TTC7A: variants seen among roughly 807,000 people sequenced by gnomAD.
TTC7A encodes the protein tetratricopeptide repeat protein 7A.
TTC7A carries 110 observed loss-of-function variants against 103.7 expected under a neutral mutation model. The ratio of observed to expected loss-of-function variants is 1.06; its 90% CI spans 0.91 to 1.24. The LOEUF is 1.24. TTC7A is among the 50% of genes most tolerant of loss of function. TTC7A has a pLI of 0.00. For synonymous variants in TTC7A, 521 were observed against 467.9 expected (o/e 1.11, Z -1.47); for missense variants, 1,340 against 1,116.3 (o/e 1.20, Z -2.86).
Position 46,993,448 on chromosome 2 carries a change from A to G in TTC7A, c.765-2A>G. On this transcript the variant is annotated splice_acceptor_variant, in intron 5 of 19. Coordinates refer to ENST00000319190, the MANE Select transcript of TTC7A (RefSeq NM_020458.4). LOFTEE classifies it high-confidence loss of function. ...AATCTACTTCTGCCGTCCTCCCACC[A>G]GGAACATCGTGAAGGGCATGAGAGA... 3.1e-6 allele frequency: 5 copies of G among 1,614,176 alleles called. No individual in the cohort carries two copies. The highest frequency in any genetic ancestry group is 4.2e-6 in the Non-Finnish European group (5 of 1,180,000).
At chr2:47,023,659 T>TG (rs1434633393) in intron 13 of TTC7A, among the ~76,000 whole-genome samples, 194 bp downstream of exon 13, 2 of 152,000 alleles carry the variant, frequency 1.3e-5, no homozygotes, top group African/African-American at 4.8e-5. Flanking sequence ...CCTTCAGCTC[T>TG]GGGGGGCTCC....
intron 2 of TTC7A, among the ~76,000 whole-genome samples, chr2:46,953,290 A>C (rs1490546423): frequency 6.6e-6 from 1 of 152,082 alleles, no homozygotes; most frequent in Admixed American, 6.6e-5. Context: ...AGTAGCTGGG[A>C]CTATAGGCAT....
At chr2:47,029,164 T>C in intron 14 of TTC7A, 60 bp from the exon 15 acceptor site, 1 of 1,592,140 alleles carries the variant, frequency 6.3e-7, no homozygotes, top group Non-Finnish European at 8.6e-7. Context: ...GGCACGTGGC[T>C]CCTGAGTCCC....
Position 46,941,391 on chromosome 2 carries a change from C to A in TTC7A, c.-151C>A. The A allele has an allele frequency of 1.6e-6, 1 of 635,258 alleles. No individual in the cohort carries two copies. Among genetic ancestry groups the A allele is most frequent in the Non-Finnish European group, 2.1e-6 (1 of 469,166 alleles). The allele number at this position is 635,258 out of a possible 1,614,324, so 39.4% of individuals were successfully genotyped here. ...GCTGCTGCTGCTGCTGCTGCCCACC[C>A]TCCGCCGCCCGGGCCCCCGCTGCCG... On this transcript the variant is annotated 5_prime_UTR_variant, in exon 1 of 20. Transcript: ENST00000319190. The surrounding 1 kb of genome is among the most constrained non-coding windows in gnomAD (Gnocchi z 4.2).
At chr2:47,021,334 G>A (rs1472410800) in intron 11 of TTC7A, among the ~76,000 whole-genome samples, 1 of 152,224 alleles carries the variant, frequency 6.6e-6, no homozygotes, top group Admixed American at 6.5e-5. Context: ...GTCATGTGGT[G>A]ATGTGTGCAC....
At chr2:46,952,342 A>T (rs934330997) in intron 2 of TTC7A, among the ~76,000 whole-genome samples, 1 of 152,210 alleles carries the variant, frequency 6.6e-6, no homozygotes, top group Non-Finnish European at 1.5e-5. Context: ...TTTTCGTTTT[A>T]AAAATATTAA....
chr2:46,969,538 C>T (rs1215529561), intron 3 of TTC7A, among the ~76,000 whole-genome samples: 1 of 152,120 alleles, frequency 6.6e-6, no homozygotes, highest in Non-Finnish European at 1.5e-5. Flanking sequence ...CCTCAGCCTC[C>T]TGAGTAGCTG....
intron 5 of TTC7A, among the ~76,000 whole-genome samples, chr2:46,993,034 G>A (rs1348705486): frequency 6.6e-6 from 1 of 152,242 alleles, no homozygotes; most frequent in Non-Finnish European, 1.5e-5. Flanking sequence ...CCATGGTACT[G>A]GGGACAGAGA....
chr2:47,053,990 G>A (rs1368416272), intron 18 of TTC7A: 2 of 444,942 alleles, frequency 4.5e-6, no homozygotes, highest in African/African-American at 4.3e-5. Context: ...AAGGTTAAAG[G>A]CCCTCCTGAA....
chr2:47,003,188 T>TGCGAAG (rs55736783), intron 8 of TTC7A, among the ~76,000 whole-genome samples: 19,475 of 152,122 alleles, frequency 0.13, 1,363 homozygotes, highest in Admixed American at 0.15. Context: ...TGTCACACCC[T>TGCGAAG]GCAGGTTGAG....
chr2:46,941,732 A>T lies in TTC7A; in HGVS notation c.184+7A>T. The T allele has an allele frequency of 6.5e-7, 1 of 1,549,424 alleles. No individual in the cohort carries two copies. Among genetic ancestry groups the T allele is most frequent in the Non-Finnish European group, 8.7e-7 (1 of 1,146,738 alleles). ...TTCACCTTTCCGGACACCGGTGAGT[A>T]AGGGAAGAGGCTGGCTCGCCGGCAG... On this transcript the variant is annotated splice_region_variant and intron_variant, in intron 1 of 19. Coordinates refer to ENST00000319190, the MANE Select transcript of TTC7A (RefSeq NM_020458.4). The surrounding 1 kb of genome is among the most constrained non-coding windows in gnomAD (Gnocchi z 4.2).
At chr2:47,002,320 C>G (rs978100280) in intron 8 of TTC7A, among the ~76,000 whole-genome samples, 14 of 152,124 alleles carry the variant, frequency 9.2e-5, no homozygotes, top group African/African-American at 3.4e-4. Flanking sequence ...CAGGGAGAAA[C>G]CAGAGGAGAA....
chr2:47,047,286 G>T lies in TTC7A; in HGVS notation c.1919+855G>T, dbSNP rs750796954. The T allele has an allele frequency of 5.2e-6, 8 of 1,549,578 alleles. No individual in the cohort carries two copies. In the African/African-American group the frequency reaches 5.5e-5, roughly 11 times the overall value. On this transcript the variant is annotated intron_variant, in intron 16 of 19. Coordinates refer to ENST00000319190, the MANE Select transcript of TTC7A (RefSeq NM_020458.4). ...CACAGAGACTTTAGGAGCCCAGAAGGCTTCCAGACTCCCCAGAGGAACATC... is the reference window on the plus strand; with the variant it reads ...CACAGAGACTTTAGGAGCCCAGAAGTCTTCCAGACTCCCCAGAGGAACATC...
rs1237092741 is a variant in TTC7A at position 46,941,780 on chromosome 2, T to G, written c.184+55T>G. On this transcript the variant is annotated intron_variant, in intron 1 of 19. Transcript: ENST00000319190. This position sits in a 1 kb window ranked among gnomAD's most constrained non-coding sequence, Gnocchi z 4.2. ...CAGCGAGCGCGCGAAACGCACCGCC[T>G]CCTCCAGGAAGCGCGCCCAGACAGT... The G allele has an allele frequency of 1.9e-6, 3 of 1,544,134 alleles. No homozygotes were observed. Among genetic ancestry groups the G allele is most frequent in the Admixed American group, 2.0e-5 (1 of 50,848 alleles).
At chr2:47,035,058 G>T (rs1441577096) in intron 15 of TTC7A, among the ~76,000 whole-genome samples, 2 of 152,186 alleles carry the variant, frequency 1.3e-5, no homozygotes, top group Non-Finnish European at 2.9e-5. Flanking sequence ...GGCACTCCTG[G>T]GATCTACCTG....
intron 2 of TTC7A, among the ~76,000 whole-genome samples, chr2:46,932,184 C>G (rs1408264488): frequency 6.6e-6 from 1 of 150,724 alleles, no homozygotes; most frequent in African/African-American, 2.4e-5. Flanking sequence ...GAGTCTTGCT[C>G]TGTCACCCAG....
At chr2:46,990,549 C>T (rs1675522239) in intron 5 of TTC7A, among the ~76,000 whole-genome samples, 1 of 152,184 alleles carries the variant, frequency 6.6e-6, no homozygotes, top group South Asian at 2.1e-4. Context: ...GAACATAAGT[C>T]ATATGATCTT....
intron 2 of TTC7A, 114 bp downstream of exon 2, chr2:46,950,640 C>A: frequency 1.6e-6 from 2 of 1,218,516 alleles, no homozygotes; most frequent in South Asian, 1.5e-5. Flanking sequence ...CTCTTACAAG[C>A]TGCCCTTGCA....
chr2:46,967,212 CA>C (rs952760658), intron 3 of TTC7A, among the ~76,000 whole-genome samples: 25 of 147,322 alleles, frequency 1.7e-4, no homozygotes, highest in African/African-American at 2.7e-4. Context: ...GATTCCGTCT[CA>C]AAAAAAAAAT....
Sources: allele counts gnomAD v4.1 joint callset (sites outside exome capture counted in the v4.1 genomes callset), GRCh38; gene constraint gnomAD v4.1.1; non-coding constraint Gnocchi (gnomAD v3.1); transcripts MANE v1.5; gene names NCBI Gene and HGNC (gene_info 2026-07-23, HGNC 2026-07-21).